The following KCNN2 variants were observed in gnomAD, a reference collection of about 807,000 sequenced individuals.
The protein encoded by KCNN2 is small conductance calcium-activated potassium channel protein 2.
Under a neutral mutation model 55.5 loss-of-function variants are expected in KCNN2, and 24 were observed. That is an observed-to-expected ratio of 0.43 (90% confidence interval 0.31 to 0.61). The LOEUF (loss-of-function observed/expected upper bound fraction) is 0.61. Ranked by LOEUF, KCNN2 falls within the 20% of genes least tolerant of loss-of-function variation. The probability of loss-of-function intolerance (pLI) is 0.08; values close to 1 mark genes in which losing one functional copy is unlikely to be tolerated. For missense variants in KCNN2, 754 were observed against 853.6 expected (o/e 0.88, Z 1.45); for synonymous variants, 431 against 336.1 (o/e 1.28, Z -3.09).
At chr5:114,166,032 T>C (rs752556147) in intron 1 of KCNN2, among the ~76,000 whole-genome samples, 108 of 152,066 alleles carry the variant, frequency 7.1e-4, no homozygotes, top group Non-Finnish European at 1.4e-3. Context: ...TTAAAAACAT[T>C]TCTTCTTATG....
intron 2 of KCNN2, among the ~76,000 whole-genome samples, chr5:114,316,059 A>G (rs1756494365): frequency 6.6e-6 from 1 of 152,180 alleles, no homozygotes; most frequent in Non-Finnish European, 1.5e-5. Context: ...ATGCAGCAAT[A>G]AGAAACACAG....
intron 4 of KCNN2, among the ~76,000 whole-genome samples, chr5:114,471,412 T>A (rs1163769845): frequency 1.3e-5 from 2 of 152,290 alleles, no homozygotes; most frequent in East Asian, 3.9e-4. Flanking sequence ...AAGAAAACGG[T>A]CTATAATGTT....
At chr5:114,103,715 G>A (rs1349575340) in intron 1 of KCNN2, among the ~76,000 whole-genome samples, 1 of 151,690 alleles carries the variant, frequency 6.6e-6, no homozygotes, top group African/African-American at 2.4e-5. Context: ...CTGTTTATGT[G>A]ATGGATTACG....
chr5:114,199,035 C>G lies in KCNN2; in HGVS notation c.-270-22445C>G, dbSNP rs536526734. ...AGTGCTATGAGTGGGGTATTAAAGT[C>G]CCCTATTATTATTGTATTGCTGTCT... On this transcript the variant is annotated intron_variant, in intron 1 of 10. Transcript: ENST00000512097. 5.3e-5 allele frequency among the ~76,000 whole-genome samples: 8 copies of G among 152,068 alleles called. 1 individual carries two copies. The highest frequency in any genetic ancestry group is 5.2e-4 in the Admixed American group (8 of 15,280).
At chr5:114,215,538 C>A (rs1753984212) in intron 1 of KCNN2, among the ~76,000 whole-genome samples, 1 of 152,078 alleles carries the variant, frequency 6.6e-6, no homozygotes. Flanking sequence ...TGTCTCCTTG[C>A]TATAGTTAAA....
intron 1 of KCNN2, among the ~76,000 whole-genome samples, chr5:114,134,456 A>ATTATTTATTTAT (rs1561489462): frequency 2.0e-5 from 2 of 101,432 alleles, no homozygotes; most frequent in Non-Finnish European, 4.1e-5. Flanking sequence ...CAATCCAACC[A>ATTATTTATTTAT]TGATTTATTT....
At chr5:114,458,959 G>A (rs1761062982) in intron 3 of KCNN2, among the ~76,000 whole-genome samples, 1 of 152,214 alleles carries the variant, frequency 6.6e-6, no homozygotes, top group South Asian at 2.1e-4. Flanking sequence ...AGGGAGGCAG[G>A]AGCGCAGGCC....
At chr5:114,107,734 A>G (rs1561478778) in intron 1 of KCNN2, among the ~76,000 whole-genome samples, 1 of 152,054 alleles carries the variant, frequency 6.6e-6, no homozygotes, top group Non-Finnish European at 1.5e-5. Flanking sequence ...AATTTCCACC[A>G]TAAATAAAAC....
At chr5:114,335,488 T>C (rs912113819) in intron 2 of KCNN2, among the ~76,000 whole-genome samples, 1 of 152,228 alleles carries the variant, frequency 6.6e-6, no homozygotes, top group Non-Finnish European at 1.5e-5. Flanking sequence ...CTGAATTCCC[T>C]ATTTTTATCT....
At chr5:114,175,702 A>G (rs1017976677) in intron 1 of KCNN2, among the ~76,000 whole-genome samples, 1 of 152,234 alleles carries the variant, frequency 6.6e-6, no homozygotes, top group Non-Finnish European at 1.5e-5. Flanking sequence ...ACAAAAATTC[A>G]GGTAATAAAT....
chr5:114,480,601 G>A (rs953835736), intron 5 of KCNN2, among the ~76,000 whole-genome samples: 1 of 152,098 alleles, frequency 6.6e-6, no homozygotes, highest in Non-Finnish European at 1.5e-5. Context: ...GGTGAACATT[G>A]ATGAAAAAAT....
intron 1 of KCNN2, among the ~76,000 whole-genome samples, chr5:114,168,166 G>GATAT (rs140274096): frequency 6.4e-4 from 90 of 139,628 alleles, no homozygotes; most frequent in African/African-American, 2.1e-3. Context: ...TATATATGTG[G>GATAT]ATATATATAC....
At chr5:114,415,113 T>C (rs1431564439) in intron 3 of KCNN2, among the ~76,000 whole-genome samples, 1 of 152,210 alleles carries the variant, frequency 6.6e-6, no homozygotes, top group Non-Finnish European at 1.5e-5. Flanking sequence ...TACTTAAAGA[T>C]TTTGATGTTT....
At chr5:114,467,140 C>T (rs748936356) in intron 4 of KCNN2, among the ~76,000 whole-genome samples, 14 of 152,138 alleles carry the variant, frequency 9.2e-5, no homozygotes, top group Non-Finnish European at 1.9e-4. Context: ...GTTAAACAAA[C>T]AGTTTGCATC....
At chr5:114,452,880 C>A (rs867190057) in intron 3 of KCNN2, among the ~76,000 whole-genome samples, 4 of 152,176 alleles carry the variant, frequency 2.6e-5, no homozygotes, top group African/African-American at 9.7e-5. Flanking sequence ...CTTTGAATTT[C>A]TTTTTATGCT....
At chr5:114,320,309 A>G (rs774379579) in intron 2 of KCNN2, among the ~76,000 whole-genome samples, 7 of 152,058 alleles carry the variant, frequency 4.6e-5, no homozygotes, top group Non-Finnish European at 1.0e-4. Context: ...ATTTTAGTCC[A>G]ATTTAAAGAA....
chr5:114,264,950 A>G (rs1039805512), intron 2 of KCNN2, among the ~76,000 whole-genome samples: 2 of 152,244 alleles, frequency 1.3e-5, no homozygotes, highest in African/African-American at 4.8e-5. Context: ...CTAACTCAGC[A>G]TATGAGTCCT....
intron 2 of KCNN2, among the ~76,000 whole-genome samples, chr5:114,248,265 A>G (rs543032780): frequency 3.9e-5 from 6 of 152,154 alleles, no homozygotes; most frequent in Non-Finnish European, 8.8e-5. Context: ...TAATGATATT[A>G]TGGAAATTCA....
chr5:114,071,949 GTTA>G (rs1750577873), intron 1 of KCNN2, among the ~76,000 whole-genome samples: 2 of 152,154 alleles, frequency 1.3e-5, no homozygotes, highest in Admixed American at 6.5e-5. Flanking sequence ...TTGGACTGAT[GTTA>G]TTGTTGTGGG....
Sources: gnomAD v4.1 joint callset for allele counts (sites outside exome capture counted in the v4.1 genomes callset) on GRCh38, gnomAD v4.1.1 for gene constraint, MANE v1.5 for transcripts, NCBI Gene and HGNC (gene_info 2026-07-23, HGNC 2026-07-21) for gene names.